Variants in ST7 observed in about 807,000 individuals in gnomAD.
The protein encoded by ST7 is suppressor of tumorigenicity 7 protein.
In ST7, 28 loss-of-function variants were observed where a neutral mutation model predicts 78.7. That is an observed-to-expected ratio of 0.36 (90% CI 0.26 to 0.49). The LOEUF (loss-of-function observed/expected upper bound fraction) is 0.49, where lower values mean the gene tolerates loss of function less well. Among genes scored for constraint, ST7 ranks in the 20% least tolerant of loss-of-function variants. The probability of loss-of-function intolerance (pLI) is 0.99; values close to 1 mark genes in which losing one functional copy is unlikely to be tolerated. For synonymous variants in ST7, 247 were observed against 249.6 expected (o/e 0.99, Z 0.10); for missense variants, 418 against 696.0 (o/e 0.60, Z 4.49).
chr7:117,057,866 A>T (rs965292517), intron 1 of ST7, among the ~76,000 whole-genome samples: 2 of 152,120 alleles, frequency 1.3e-5, no homozygotes, highest in African/African-American at 4.8e-5. Context: ...ACCAATCAAA[A>T]TCCCTTTCTA....
At chr7:117,215,971 G>A (rs1407497013) in intron 13 of ST7, among the ~76,000 whole-genome samples, 3 of 151,900 alleles carry the variant, frequency 2.0e-5, no homozygotes, top group Admixed American at 2.0e-4. Flanking sequence ...TTCTATCCTT[G>A]CCTATCTAGT....
At chr7:117,028,543 T>A (rs1796318660) in intron 1 of ST7, among the ~76,000 whole-genome samples, 2 of 152,210 alleles carry the variant, frequency 1.3e-5, no homozygotes, top group Non-Finnish European at 2.9e-5. Flanking sequence ...TACGCATGGA[T>A]GGTCCAAGCC....
At chr7:116,973,884 A>G (rs1275168065) in intron 1 of ST7, among the ~76,000 whole-genome samples, 1 of 152,244 alleles carries the variant, frequency 6.6e-6, no homozygotes, top group Non-Finnish European at 1.5e-5. Context: ...ATAAATAGGT[A>G]AATTAATGCT....
intron 1 of ST7, among the ~76,000 whole-genome samples, chr7:117,052,816 C>T (rs1025435493): frequency 5.9e-5 from 9 of 152,220 alleles, no homozygotes; most frequent in African/African-American, 1.9e-4. Context: ...ATGGCGTGAA[C>T]GCAGGAGGCG....
intron 1 of ST7, among the ~76,000 whole-genome samples, chr7:117,024,990 G>A (rs543001157): frequency 6.6e-6 from 1 of 152,274 alleles, no homozygotes; most frequent in East Asian, 1.9e-4. Flanking sequence ...ATGGTACCAT[G>A]TTACCAAGAA....
At chr7:116,979,133 GA>G (rs1793833643) in intron 1 of ST7, among the ~76,000 whole-genome samples, 1 of 152,180 alleles carries the variant, frequency 6.6e-6, no homozygotes, top group South Asian at 2.1e-4. Context: ...GGAGCCTGGA[GA>G]AAACGCTCTG....
chr7:117,177,141 C>G (rs926440173), intron 10 of ST7, among the ~76,000 whole-genome samples: 3 of 152,154 alleles, frequency 2.0e-5, no homozygotes, highest in Non-Finnish European at 2.9e-5. Flanking sequence ...ACTGGATGCT[C>G]TACAGATTTG....
rs189034897 is a variant in ST7, at chr7:117,095,138, A to G, written c.152-4624A>G. On this transcript the variant is annotated intron_variant, in intron 1 of 15. Transcript: ENST00000323984. Reference sequence around the variant, plus strand: ...TAAGGAGGCAAACAGACTGGGTTATATGCCTGCTCTGCTTTACAGAGGCCT... The same window carrying G: ...TAAGGAGGCAAACAGACTGGGTTATGTGCCTGCTCTGCTTTACAGAGGCCT... Among the ~76,000 whole-genome samples, 12 of 152,250 alleles carry G rather than the reference A, an allele frequency of 7.9e-5. No homozygotes were observed. The East Asian group carries it at 2.3e-3, about 29-fold the overall frequency.
chr7:116,997,192 C>G lies in ST7; in HGVS notation c.151+43501C>G, dbSNP rs554712463. 2.6e-3 allele frequency among the ~76,000 whole-genome samples: 391 copies of G among 152,198 alleles called. 3 individuals carry two copies. Among genetic ancestry groups the G allele is most frequent in the South Asian group, 4.6e-3 (22 of 4,814 alleles). On this transcript the variant is annotated intron_variant, in intron 1 of 15. Transcript: ENST00000323984. ...AGTGTTACAGCTCATAAAGGTAGTG[C>G]CGACCCAAAGAGTGAGCAGCAGCAA...
intron 1 of ST7, among the ~76,000 whole-genome samples, chr7:116,994,431 G>A (rs910351591): frequency 6.6e-6 from 1 of 152,088 alleles, no homozygotes; most frequent in African/African-American, 2.4e-5. Flanking sequence ...AAACTTAAAG[G>A]CATAATTAAT....
intron 1 of ST7, among the ~76,000 whole-genome samples, chr7:116,964,994 AC>A (rs1793028093): frequency 6.6e-6 from 1 of 152,254 alleles, no homozygotes; most frequent in South Asian, 2.1e-4. Context: ...TGGCAACATA[AC>A]ATCAATTAAG....
intron 1 of ST7, among the ~76,000 whole-genome samples, chr7:117,095,353 T>G (rs1162075709): frequency 1.3e-5 from 2 of 152,324 alleles, no homozygotes; most frequent in East Asian, 3.9e-4. Flanking sequence ...CTTCCCACAG[T>G]TCAACCTGCT....
intron 2 of ST7, among the ~76,000 whole-genome samples, chr7:117,106,904 G>A (rs1322935257): frequency 6.6e-6 from 1 of 152,156 alleles, no homozygotes; most frequent in Non-Finnish European, 1.5e-5. Context: ...ACAGGCGTGA[G>A]CCACTGTGCC....
Position 117,129,948 on chromosome 7 carries a change from C to G in ST7, c.449+101C>G, listed in dbSNP as rs1021033273. The G allele has an allele frequency of 6.3e-6, 5 of 791,472 alleles. No individual in the cohort carries two copies. In the African/African-American group the frequency reaches 9.1e-5, roughly 14 times the overall value. The allele number at this position is 791,472 out of a possible 1,614,324, so 49.0% of individuals were successfully genotyped here. On this transcript the variant is annotated intron_variant, in intron 4 of 15. Transcript: ENST00000323984. ...TTCATTTAGGGGTCATTGTAACAGT[C>G]TATGTAGTGCGTCCATTTTTTAATA...
intron 1 of ST7, among the ~76,000 whole-genome samples, chr7:116,990,814 A>C (rs1170045177): frequency 2.0e-5 from 3 of 152,136 alleles, no homozygotes; most frequent in Non-Finnish European, 4.4e-5. Context: ...CATATACTTT[A>C]CTAATGTCTT....
chr7:117,227,437 C>T (rs568745751), intron 15 of ST7, among the ~76,000 whole-genome samples: 5 of 152,284 alleles, frequency 3.3e-5, no homozygotes, highest in South Asian at 2.1e-4. Flanking sequence ...TCTGGTTTAT[C>T]GAGACCACTG....
chr7:117,166,916 T>C (rs192426870), intron 9 of ST7, among the ~76,000 whole-genome samples: 6 of 149,606 alleles, frequency 4.0e-5, no homozygotes, highest in African/African-American at 1.2e-4. Context: ...TTTATGACAA[T>C]ATTGGAAGGG....
In ST7 at chr7:117,196,115, G is replaced by A. The variant is rs140871243; in HGVS notation, c.1254+5179G>A. Among the ~76,000 whole-genome samples, 102 of 152,190 alleles carry A rather than the reference G, an allele frequency of 6.7e-4. 2 individuals are homozygous for A. The East Asian group carries it at 9.3e-3, about 14-fold the overall frequency. On this transcript the variant is annotated intron_variant, in intron 12 of 15. Transcript: ENST00000323984. ...CAAAATTTTCTTCTTTTTAAAGACC[G>A]AAAATTATTCCACTGAATATATATG...
At chr7:117,057,795 G>A (rs1001908450) in intron 1 of ST7, among the ~76,000 whole-genome samples, 1 of 152,158 alleles carries the variant, frequency 6.6e-6, no homozygotes, top group East Asian at 1.9e-4. Context: ...TGTAGTATAT[G>A]AACATGGGCC....
Sources: gnomAD v4.1 joint callset for allele counts (sites outside exome capture counted in the v4.1 genomes callset) on GRCh38, gnomAD v4.1.1 for gene constraint, MANE v1.5 for transcripts, NCBI Gene and HGNC (gene_info 2026-07-23, HGNC 2026-07-21) for gene names.